LUZP2: variants seen among roughly 807,000 people sequenced by gnomAD.
LUZP2 encodes the protein leucine zipper protein 2.
LUZP2 carries 52 observed loss-of-function variants against 51.6 expected under a neutral mutation model. The observed-to-expected ratio is 1.01, with a 90% CI of 0.81 to 1.27. The LOEUF is 1.27. Among genes scored for constraint, LUZP2 ranks in the 50% most tolerant of loss-of-function variants. The pLI is 0.00. For synonymous variants in LUZP2, 154 were observed against 137.3 expected (o/e 1.12, Z -0.85); for missense variants, 436 against 395.4 (o/e 1.10, Z -0.87).
intron 9 of LUZP2, among the ~76,000 whole-genome samples, chr11:25,045,356 T>A (rs1858273802): frequency 1.3e-5 from 2 of 150,986 alleles, no homozygotes; most frequent in Admixed American, 1.3e-4. Flanking sequence ...AGCCTTTCAT[T>A]AATTCACAGA....
At chr11:24,907,340 T>C (rs925069104) in intron 6 of LUZP2, among the ~76,000 whole-genome samples, 14 of 146,952 alleles carry the variant, frequency 9.5e-5, no homozygotes, top group African/African-American at 3.5e-4. Flanking sequence ...CAAAATAACA[T>C]GCAATGTAAC....
At chr11:24,602,681 T>A (rs1853778347) in intron 1 of LUZP2, among the ~76,000 whole-genome samples, 1 of 151,480 alleles carries the variant, frequency 6.6e-6, no homozygotes, top group Non-Finnish European at 1.5e-5. Flanking sequence ...AATGCAAATA[T>A]CAACTCATTT....
At chr11:24,694,499 G>A (rs1166209649) in intron 1 of LUZP2, among the ~76,000 whole-genome samples, 1 of 152,014 alleles carries the variant, frequency 6.6e-6, no homozygotes, top group Non-Finnish European at 1.5e-5. Flanking sequence ...AGAAGTACTT[G>A]GAAGACAGTG....
At chr11:25,001,862 C>A (rs1467920354) in intron 9 of LUZP2, among the ~76,000 whole-genome samples, 2 of 152,000 alleles carry the variant, frequency 1.3e-5, no homozygotes, top group East Asian at 1.9e-4. Flanking sequence ...TCTCTGACTT[C>A]CTGTCTCTTT....
chr11:24,862,960 G>A (rs552194116), intron 5 of LUZP2, among the ~76,000 whole-genome samples: 1 of 152,228 alleles, frequency 6.6e-6, no homozygotes, highest in East Asian at 1.9e-4. Flanking sequence ...AGGTGCTAAT[G>A]TAATTTTCAA....
At chr11:24,850,483 CCTGTTTTGGTCCCAGTAACATG>C (rs1391034786) in intron 5 of LUZP2, among the ~76,000 whole-genome samples, 8 of 151,850 alleles carry the variant, frequency 5.3e-5, no homozygotes, top group African/African-American at 1.7e-4. Flanking sequence ...GGTCTATATA[CCTGTTTTGGTCCCAGTAACATG>C]CTGTTTTGGT....
intron 1 of LUZP2, among the ~76,000 whole-genome samples, chr11:24,675,497 C>T (rs1340407676): frequency 6.6e-6 from 1 of 152,062 alleles, no homozygotes; most frequent in African/African-American, 2.4e-5. Context: ...AGAAAATTAG[C>T]TTGCCATAGA....
Position 24,826,190 on chromosome 11 carries a change from A to AAATATATATATATATATAT in LUZP2, c.396+62883_396+62884insATATATATATATATATATA, listed in dbSNP as rs1215786412. ...GACTCCATCTCAAAAAAAAAAAAAA[A>AAATATATATATATATATAT]ATATATATATATATATATAGTAAAA... is the stretch of plus-strand genomic sequence containing the variant. On this transcript the variant is annotated intron_variant, in intron 5 of 11. Transcript: ENST00000336930. Among the ~76,000 whole-genome samples the AAATATATATATATATATAT allele has an allele frequency of 5.9e-5, 4 of 67,548 alleles. No individual in the cohort carries two copies. In the East Asian group the frequency reaches 1.7e-3, roughly 28 times the overall value. 44.3% of individuals were successfully genotyped at this position (67,548 alleles called of 152,430 possible).
chr11:25,048,929 G>A (rs1056761443), intron 9 of LUZP2, among the ~76,000 whole-genome samples: 1 of 151,602 alleles, frequency 6.6e-6, no homozygotes, highest in Non-Finnish European at 1.5e-5. Flanking sequence ...ATTTTCTATT[G>A]TTTTTCTAAT....
chr11:24,849,956 C>T (rs1307758937), intron 5 of LUZP2, among the ~76,000 whole-genome samples: 1 of 152,048 alleles, frequency 6.6e-6, no homozygotes, highest in Non-Finnish European at 1.5e-5. Flanking sequence ...TATCCTTCAC[C>T]CAATTTTTGA....
chr11:24,596,963 G>A (rs555673089), intron 1 of LUZP2, among the ~76,000 whole-genome samples: 33 of 152,130 alleles, frequency 2.2e-4, no homozygotes, highest in Non-Finnish European at 3.5e-4. Context: ...TGTCCAGTTG[G>A]TCTATGTGAT....
At chr11:24,749,596 A>T (rs149485435) in intron 4 of LUZP2, among the ~76,000 whole-genome samples, 16 of 152,284 alleles carry the variant, frequency 1.1e-4, no homozygotes, top group Admixed American at 4.6e-4. Flanking sequence ...AGGTAGGATA[A>T]GCTGGTTTAC....
At chr11:24,678,002 A>C (rs1856620969) in intron 1 of LUZP2, among the ~76,000 whole-genome samples, 1 of 139,490 alleles carries the variant, frequency 7.2e-6, no homozygotes, top group Non-Finnish European at 1.5e-5. Context: ...GTGCCACTGC[A>C]CTCCAGCCTG....
At chr11:24,601,980 A>ATATCTG (rs1853674703) in intron 1 of LUZP2, among the ~76,000 whole-genome samples, 1 of 64,706 alleles carries the variant, frequency 1.5e-5, no homozygotes, top group African/African-American at 8.1e-5. Flanking sequence ...GTGTATATGT[A>ATATCTG]TATATATGTG....
intron 5 of LUZP2, among the ~76,000 whole-genome samples, chr11:24,793,945 A>G (rs967760782): frequency 4.6e-5 from 7 of 152,248 alleles, no homozygotes; most frequent in African/African-American, 1.7e-4. Context: ...CTGACTAACC[A>G]ATTATTAATA....
intron 5 of LUZP2, among the ~76,000 whole-genome samples, chr11:24,888,968 G>A (rs1367407827): frequency 6.6e-6 from 1 of 152,118 alleles, no homozygotes; most frequent in Non-Finnish European, 1.5e-5. Flanking sequence ...GCTGAACTGT[G>A]AGTCAGTTAA....
At chr11:24,896,919 A>G (rs1350150410) in intron 5 of LUZP2, among the ~76,000 whole-genome samples, 5 of 152,166 alleles carry the variant, frequency 3.3e-5, no homozygotes, top group Admixed American at 3.3e-4. Flanking sequence ...ATGTCTCGCT[A>G]AAGGATTGTA....
intron 1 of LUZP2, among the ~76,000 whole-genome samples, chr11:24,510,789 T>G (rs139435655): frequency 2.1e-4 from 32 of 152,322 alleles, no homozygotes; most frequent in Middle Eastern, 6.8e-3. Flanking sequence ...AAAAGAAATT[T>G]AAAATATTTG....
intron 1 of LUZP2, chr11:24,701,220 C>G (rs901009654): frequency 6.4e-6 from 1 of 156,044 alleles, no homozygotes; most frequent in Non-Finnish European, 1.5e-5. Context: ...TTTGCAAAGG[C>G]TCTTCGTGTG....
Sources: allele counts gnomAD v4.1 joint callset (sites outside exome capture counted in the v4.1 genomes callset), GRCh38; gene constraint gnomAD v4.1.1; transcripts MANE v1.5; gene names NCBI Gene and HGNC (gene_info 2026-07-23, HGNC 2026-07-21).